Variants in PTPRK observed in about 807,000 individuals in gnomAD.
The protein encoded by PTPRK is receptor-type tyrosine-protein phosphatase kappa.
Under a neutral mutation model 178.0 loss-of-function variants are expected in PTPRK, and 75 were observed. The observed-to-expected ratio is 0.42, with a 90% confidence interval of 0.35 to 0.51. The LOEUF (loss-of-function observed/expected upper bound fraction) is 0.51, where lower values mean the gene tolerates loss of function less well. PTPRK is among the 20% of genes least tolerant of loss of function. The pLI, the probability that PTPRK is intolerant of heterozygous loss-of-function variation, is 0.02. For synonymous variants in PTPRK, 637 were observed against 620.6 expected (o/e 1.03, Z -0.39); for missense variants, 1,441 against 1,797.8 (o/e 0.80, Z 3.59).
intron 5 of PTPRK, among the ~76,000 whole-genome samples, chr6:128,221,468 G>A (rs1810399191): frequency 1.3e-5 from 2 of 150,622 alleles, no homozygotes; most frequent in African/African-American, 4.9e-5. Context: ...AGTTTGCAGT[G>A]AGCCGAGATC....
rs896710320 is a variant in PTPRK at position 128,463,741 on chromosome 6, G to GTTTT, written c.100+56514_100+56517dup. Among the ~76,000 whole-genome samples, 30 of 96,870 alleles carry GTTTT rather than the reference G, an allele frequency of 3.1e-4. 2 individuals carry two copies. The highest frequency in any genetic ancestry group is 8.1e-4 in the African/African-American group (18 of 22,282). The allele number at this position is 96,870 out of a possible 152,430, so 63.6% of individuals were successfully genotyped here. On this transcript the variant is annotated intron_variant, in intron 1 of 29. Transcript: ENST00000368226. The stretch of plus-strand genomic sequence containing the variant: ...TTCTCTATAAAAGTCAATCTTCACG[G>GTTTT]TTTTTTTTTTTTTTTTTTTTTTTTT...
At chr6:128,230,301 C>T (rs1812084803) in intron 5 of PTPRK, among the ~76,000 whole-genome samples, 1 of 152,076 alleles carries the variant, frequency 6.6e-6, no homozygotes, top group Admixed American at 6.6e-5. Flanking sequence ...AAAGGACAAA[C>T]CTACAGATTA....
intron 3 of PTPRK, among the ~76,000 whole-genome samples, chr6:128,317,636 A>T (rs978061207): frequency 2.0e-5 from 3 of 152,000 alleles, no homozygotes; most frequent in African/African-American, 7.2e-5. Context: ...AAATAATTTT[A>T]TTATTATTAT....
chr6:128,068,566 CA>C (rs1044557443), intron 11 of PTPRK, among the ~76,000 whole-genome samples: 1 of 151,682 alleles, frequency 6.6e-6, no homozygotes, highest in Non-Finnish European at 1.5e-5. Flanking sequence ...GAGAAAAAAA[CA>C]AAAAGAAAAA....
intron 3 of PTPRK, among the ~76,000 whole-genome samples, chr6:128,243,699 A>C (rs533594865): frequency 1.1e-4 from 17 of 151,946 alleles, no homozygotes; most frequent in Non-Finnish European, 2.5e-4. Context: ...GACTCTAAAA[A>C]AAAATAACAA....
chr6:128,274,214 A>T (rs1820368871), intron 3 of PTPRK, among the ~76,000 whole-genome samples: 1 of 152,166 alleles, frequency 6.6e-6, no homozygotes, highest in Non-Finnish European at 1.5e-5. Flanking sequence ...ATAACACTAA[A>T]TTATTGTTGC....
At position 128,354,939 on chromosome 6, in the gene PTPRK, A is replaced by G. The variant is rs562569252; in HGVS notation, c.224-32629T>C. The stretch of plus-strand genomic sequence containing the variant: ...GAAGTAATTACATGCAAATTATAGC[A>G]TGTTCTTAAAGGAAATTATTTCATC... On this transcript the variant is annotated intron_variant, in intron 2 of 29. Coordinates refer to ENST00000368226, the MANE Select transcript of PTPRK (RefSeq NM_002844.4). Among the ~76,000 whole-genome samples, 4 of 152,366 alleles carry G rather than the reference A, an allele frequency of 2.6e-5. No individual in the cohort carries two copies. In the South Asian group the frequency reaches 8.3e-4, roughly 32 times the overall value.
chr6:128,374,914 C>T (rs1836810512), intron 2 of PTPRK, among the ~76,000 whole-genome samples: 1 of 151,932 alleles, frequency 6.6e-6, no homozygotes, highest in Non-Finnish European at 1.5e-5. Context: ...CTTATTCTTC[C>T]TCAAATGCCA....
At chr6:128,346,980 A>G (rs1458698426) in intron 2 of PTPRK, among the ~76,000 whole-genome samples, 1 of 152,146 alleles carries the variant, frequency 6.6e-6, no homozygotes, top group African/African-American at 2.4e-5. Context: ...AATGCTAAAA[A>G]CACTAAGATT....
intron 1 of PTPRK, among the ~76,000 whole-genome samples, chr6:128,512,975 G>A (rs1857400589): frequency 6.6e-6 from 1 of 152,132 alleles, no homozygotes; most frequent in African/African-American, 2.4e-5. Context: ...TGCTAAAAAT[G>A]ATTTGCATAT....
intron 2 of PTPRK, among the ~76,000 whole-genome samples, chr6:128,347,258 G>A (rs924020903): frequency 5.9e-5 from 9 of 152,146 alleles, no homozygotes; most frequent in African/African-American, 2.2e-4. Flanking sequence ...GAAGACAAGT[G>A]AGAAGAGGGG....
At chr6:127,986,020 ATAT>A in intron 21 of PTPRK, 145 bp from the exon 22 acceptor site, 2 of 699,128 alleles carry the variant, frequency 2.9e-6, no homozygotes, top group Non-Finnish European at 4.3e-6. Context: ...TAAAAAAAAA[ATAT>A]AATAAAATGA....
At position 128,041,802 on chromosome 6, in the gene PTPRK, CTA is replaced by C. The variant is rs903440693; in HGVS notation, c.2194+22954_2194+22955del. On this transcript the variant is annotated intron_variant, in intron 13 of 29. Coordinates refer to ENST00000368226, the MANE Select transcript of PTPRK (RefSeq NM_002844.4). Reference sequence around the variant, plus strand: ...TGTGTAGATATACAGTTTTATATATCTATAGTTTTATAAAAGTGTATATATAT... The same window carrying C: ...TGTGTAGATATACAGTTTTATATATCTAGTTTTATAAAAGTGTATATATAT... 2.0e-5 allele frequency among the ~76,000 whole-genome samples: 3 copies of C among 149,146 alleles called. No homozygotes were observed. The East Asian group carries it at 6.0e-4, about 30-fold the overall frequency.
At chr6:128,340,112 A>G (rs1191053605) in intron 2 of PTPRK, among the ~76,000 whole-genome samples, 1 of 152,228 alleles carries the variant, frequency 6.6e-6, no homozygotes, top group African/African-American at 2.4e-5. Flanking sequence ...TGATTCTTAG[A>G]CAAACTAAAA....
At chr6:128,347,303 C>A (rs752710512) in intron 2 of PTPRK, among the ~76,000 whole-genome samples, 4 of 152,012 alleles carry the variant, frequency 2.6e-5, no homozygotes, top group Non-Finnish European at 4.4e-5. Context: ...AACTTCTATC[C>A]CTTTATGACC....
At chr6:128,317,665 C>A (rs573533275) in intron 3 of PTPRK, among the ~76,000 whole-genome samples, 11 of 152,146 alleles carry the variant, frequency 7.2e-5, no homozygotes, top group Middle Eastern at 6.8e-3. Flanking sequence ...GAATAGGACC[C>A]AGGCTCCTTG....
At chr6:128,155,655 T>C (rs1006911674) in intron 7 of PTPRK, among the ~76,000 whole-genome samples, 5 of 151,750 alleles carry the variant, frequency 3.3e-5, no homozygotes, top group Non-Finnish European at 7.4e-5. Context: ...TTTTAAAATA[T>C]ATTTTATGTG....
chr6:128,333,255 T>G (rs565903107), intron 2 of PTPRK, among the ~76,000 whole-genome samples: 12 of 152,308 alleles, frequency 7.9e-5, no homozygotes, highest in African/African-American at 2.6e-4. Context: ...TGTCTGGATA[T>G]ACTTCAACAC....
chr6:128,486,843 AG>A (rs1468981000), intron 1 of PTPRK, among the ~76,000 whole-genome samples: 2 of 149,934 alleles, frequency 1.3e-5, no homozygotes, highest in African/African-American at 2.5e-5. Flanking sequence ...GAAGGAAGAA[AG>A]GAAAAAAATA....
Sources: gnomAD v4.1 joint callset for allele counts (sites outside exome capture counted in the v4.1 genomes callset) on GRCh38, gnomAD v4.1.1 for gene constraint, MANE v1.5 for transcripts, NCBI Gene and HGNC (gene_info 2026-07-23, HGNC 2026-07-21) for gene names.